Variants in GABRA5 observed in about 807,000 individuals in gnomAD.
GABRA5 encodes gamma-aminobutyric acid receptor subunit alpha-5.
A neutral mutation model predicts 47.3 loss-of-function variants in GABRA5; 18 were observed. The ratio of observed to expected loss-of-function variants is 0.38; its 90% CI spans 0.26 to 0.56. The LOEUF is 0.56. Among genes scored for constraint, GABRA5 ranks in the 20% least tolerant of loss-of-function variants. GABRA5 has a pLI of 0.71. For synonymous variants in GABRA5, 237 were observed against 229.3 expected (o/e 1.03, Z -0.30); for missense variants, 365 against 599.3 (o/e 0.61, Z 4.08).
At position 26,890,426 on chromosome 15, in the gene GABRA5, A is replaced by ATTTTTTTTTT. The variant is rs201726196; in HGVS notation, c.497+6878_497+6887dup. Among the ~76,000 whole-genome samples the ATTTTTTTTTT allele has an allele frequency of 2.5e-3, 323 of 128,452 alleles. 3 individuals are homozygous for ATTTTTTTTTT. The highest frequency in any genetic ancestry group is 6.9e-3 in the African/African-American group (214 of 31,170). 84.3% of individuals were successfully genotyped at this position (128,452 alleles called of 152,430 possible). A position where few individuals can be genotyped will look rare whatever the true frequency, so the allele number is the denominator to read the frequency against. ...CATCTCAAGATTTGTAGTCACTTCA[A>ATTTTTTTTTT]TTTTTTTTTTTTTTTTTTGCTTTGG... On this transcript the variant is annotated intron_variant, in intron 6 of 10. Coordinates refer to ENST00000335625, the MANE Select transcript of GABRA5 (RefSeq NM_000810.4).
intron 7 of GABRA5, among the ~76,000 whole-genome samples, chr15:26,918,318 T>C (rs893960604): frequency 1.3e-5 from 2 of 152,210 alleles, no homozygotes; most frequent in Non-Finnish European, 2.9e-5. Flanking sequence ...TTTCTAGTTT[T>C]TCTTCTACTG....
intron 7 of GABRA5, among the ~76,000 whole-genome samples, chr15:26,917,840 A>G (rs1481907456): frequency 6.6e-6 from 1 of 151,942 alleles, no homozygotes; most frequent in East Asian, 1.9e-4. Flanking sequence ...TATTCATTTT[A>G]TTGGCATATA....
intron 6 of GABRA5, among the ~76,000 whole-genome samples, chr15:26,910,770 A>C (rs1893562805): frequency 6.6e-6 from 1 of 152,166 alleles, no homozygotes; most frequent in African/African-American, 2.4e-5. Context: ...TAATTCAGTG[A>C]AGTCTTTCCA....
chr15:26,919,194 T>G (rs1388847423), intron 7 of GABRA5, among the ~76,000 whole-genome samples: 3 of 152,166 alleles, frequency 2.0e-5, no homozygotes, highest in Non-Finnish European at 4.4e-5. Flanking sequence ...TCTTATCCAT[T>G]CAAACTCTCT....
At chr15:26,916,166 C>A (rs1017270175) in intron 7 of GABRA5, among the ~76,000 whole-genome samples, 1 of 151,996 alleles carries the variant, frequency 6.6e-6, no homozygotes, top group Non-Finnish European at 1.5e-5. Flanking sequence ...TTGAAAAGTT[C>A]TGTGTCTTAC....
At chr15:26,927,745 T>C (rs1414372602) in intron 7 of GABRA5, among the ~76,000 whole-genome samples, 1 of 152,242 alleles carries the variant, frequency 6.6e-6, no homozygotes, top group Non-Finnish European at 1.5e-5. Context: ...ATGCAGAGGC[T>C]AAATGTGATA....
intron 6 of GABRA5, among the ~76,000 whole-genome samples, chr15:26,908,979 G>A (rs1405824147): frequency 6.6e-6 from 1 of 152,238 alleles, no homozygotes; most frequent in Admixed American, 6.5e-5. Flanking sequence ...CATTAGACTT[G>A]TATGAGCTTC....
intron 6 of GABRA5, among the ~76,000 whole-genome samples, chr15:26,898,052 T>A (rs1298525518): frequency 6.6e-6 from 1 of 152,164 alleles, no homozygotes. Context: ...TTAGGGGTAA[T>A]GATAGACTGA....
chr15:26,884,610 G>C (rs75924277), intron 6 of GABRA5, among the ~76,000 whole-genome samples: 18,741 of 152,224 alleles, frequency 0.12, 1,278 homozygotes, highest in East Asian at 0.23. Context: ...ATAGTGGAAA[G>C]TAATATTGAT....
chr15:26,936,154 G>A (rs149529483), intron 7 of GABRA5, among the ~76,000 whole-genome samples: 2,618 of 152,140 alleles, frequency 0.017, 73 homozygotes, highest in African/African-American at 0.059. Context: ...GGTGCCTTCC[G>A]CCATGATTGT....
chr15:26,888,257 A>G lies in GABRA5; in HGVS notation c.497+4700A>G, dbSNP rs542162756. The stretch of plus-strand genomic sequence containing the variant: ...TTCAGTAGCTTCTCAGAATCAGCCC[A>G]AAGAGAGCAGCAAACATCTCCTGTT... On this transcript the variant is annotated intron_variant, in intron 6 of 10. Transcript: ENST00000335625. Among the ~76,000 whole-genome samples, 14 of 152,336 alleles carry G rather than the reference A, an allele frequency of 9.2e-5. No homozygotes were observed. The East Asian group carries it at 2.7e-3, about 29-fold the overall frequency.
chr15:26,886,061 C>A (rs1259367800), intron 6 of GABRA5, among the ~76,000 whole-genome samples: 1 of 152,072 alleles, frequency 6.6e-6, no homozygotes, highest in Non-Finnish European at 1.5e-5. Flanking sequence ...ACTCTGTCAC[C>A]CAGGCTGGAG....
intron 6 of GABRA5, among the ~76,000 whole-genome samples, chr15:26,895,351 A>T (rs1410877182): frequency 6.6e-6 from 1 of 152,082 alleles, no homozygotes; most frequent in East Asian, 1.9e-4. Context: ...TAGCTTGTGG[A>T]CTAACTTGCG....
chr15:26,928,475 T>A (rs1024135389), intron 7 of GABRA5, among the ~76,000 whole-genome samples: 1 of 152,202 alleles, frequency 6.6e-6, no homozygotes, highest in Non-Finnish European at 1.5e-5. Flanking sequence ...TGAATGTTTG[T>A]TTCCTCCCCA....
intron 7 of GABRA5, among the ~76,000 whole-genome samples, chr15:26,926,239 T>G (rs1893959572): frequency 1.3e-5 from 2 of 152,084 alleles, no homozygotes; most frequent in African/African-American, 4.8e-5. Context: ...CAGGGAGTAG[T>G]TTTTCATCTG....
chr15:26,883,540 C>A lies in GABRA5; in HGVS notation c.480C>A (p.Thr160=). The A allele has an allele frequency of 6.2e-7, 1 of 1,612,364 alleles. No homozygotes were observed. Among genetic ancestry groups the A allele is most frequent in the Non-Finnish European group, 8.5e-7 (1 of 1,179,516 alleles). ...NKLLRLEDDG[T]LLYTMRLTIS... ...TGCTGCGGCTGGAGGACGACGGCAC[C>A]CTGCTCTACACCATGCGGTGAGCGC... The change falls in exon 6 of 11, where the codon ACC becomes ACA. Residue 160 remains threonine, a synonymous_variant. Transcript: ENST00000335625. The surrounding 1 kb of genome is among the most constrained non-coding windows in gnomAD (Gnocchi z 4.8).
At chr15:26,931,695 G>T (rs1049505401) in intron 7 of GABRA5, among the ~76,000 whole-genome samples, 16 of 152,212 alleles carry the variant, frequency 1.1e-4, no homozygotes, top group Admixed American at 9.8e-4. Flanking sequence ...GGAATTCATA[G>T]ATGGGAATAT....
At chr15:26,888,741 C>T (rs1892937068) in intron 6 of GABRA5, among the ~76,000 whole-genome samples, 1 of 152,224 alleles carries the variant, frequency 6.6e-6, no homozygotes, top group Non-Finnish European at 1.5e-5. Context: ...GAGGCAATGG[C>T]TCCCTTTCAT....
At position 26,877,356 on chromosome 15, in the gene GABRA5, A is replaced by G. The variant is rs73363986; in HGVS notation, c.87-3490A>G. Among the ~76,000 whole-genome samples, 570 of 152,342 alleles carry G rather than the reference A, an allele frequency of 3.7e-3. 4 individuals carry two copies. Among genetic ancestry groups the G allele is most frequent in the African/African-American group, 0.013 (540 of 41,592 alleles). On this transcript the variant is annotated intron_variant, in intron 3 of 10. Coordinates refer to ENST00000335625, the MANE Select transcript of GABRA5 (RefSeq NM_000810.4). ...AATGGGCATTTGAGGAAAACATCACACAATGGTGCCATTTAGAGGTACTCA... is the reference window on the plus strand; with the variant it reads ...AATGGGCATTTGAGGAAAACATCACGCAATGGTGCCATTTAGAGGTACTCA...
Sources: allele counts gnomAD v4.1 joint callset (sites outside exome capture counted in the v4.1 genomes callset), GRCh38; gene constraint gnomAD v4.1.1; non-coding constraint Gnocchi (gnomAD v3.1); transcripts MANE v1.5; gene names NCBI Gene and HGNC (gene_info 2026-07-23, HGNC 2026-07-21).